Variants in CCDC150 observed in about 807,000 individuals in gnomAD.
CCDC150 encodes coiled-coil domain containing 150.
CCDC150 carries 151 observed loss-of-function variants against 156.5 expected under a neutral mutation model. The ratio of observed to expected loss-of-function variants is 0.97; its 90% CI spans 0.85 to 1.10. The LOEUF (loss-of-function observed/expected upper bound fraction) is 1.10, where lower values mean the gene tolerates loss of function less well. CCDC150 is among the 50% of genes least tolerant of loss of function. The pLI is 0.00. For synonymous variants in CCDC150, 452 were observed against 429.4 expected, an observed-to-expected ratio of 1.05 and a Z score of -0.65; for missense variants, 1,312 against 1,268.1, an observed-to-expected ratio of 1.03 and a Z score of -0.53.
At chr2:196,704,616 A>G (rs1449313101) in intron 15 of CCDC150, among the ~76,000 whole-genome samples, 2 of 152,148 alleles carry the variant, frequency 1.3e-5, no homozygotes, top group African/African-American at 4.8e-5. Context: ...TTTGTTACAT[A>G]GATATACATG....
At chr2:196,659,474 C>A (rs1400662959) in intron 5 of CCDC150, among the ~76,000 whole-genome samples, 1 of 152,104 alleles carries the variant, frequency 6.6e-6, no homozygotes, top group Non-Finnish European at 1.5e-5. Context: ...TCTGTTAATA[C>A]AAAATAGAGA....
Position 196,666,868 on chromosome 2 carries a change from A to G in CCDC150, c.892+20A>G. 3 of 1,613,246 alleles carry G rather than the reference A, an allele frequency of 1.9e-6. No homozygotes were observed. The highest frequency in any genetic ancestry group is 2.5e-6 in the Non-Finnish European group (3 of 1,179,380). ...ATCTAAGTATGAAAATAGATGCTAG[A>G]AATCACCCTCTTGTTAGTTTTTGGA... On this transcript the variant is annotated intron_variant, in intron 7 of 27. Coordinates refer to ENST00000389175, the MANE Select transcript of CCDC150 (RefSeq NM_001080539.2).
chr2:196,656,763 C>T lies in CCDC150; in HGVS notation c.307C>T (p.Arg103Ter), dbSNP rs200403800. Reference protein sequence around the residue: ...LWKNCEFLVNRMCRLESLMQS... With the variant: ...LWKNCEFLVN The stretch of plus-strand genomic sequence containing the variant: ...GAAGAACTGTGAGTTTCTGGTAAAT[C>T]GAATGTGCCGTCTTGAAAGCCTCAT... Residue 103 changes from arginine (R) to a stop codon, truncating the protein, a stop_gained, in exon 3 of 28, where the codon CGA (arginine) becomes TGA (stop). Transcript: ENST00000389175. LOFTEE classifies it high-confidence loss of function. 4.3e-6 allele frequency: 7 copies of T among 1,613,638 alleles called. No homozygotes were observed. The highest frequency in any genetic ancestry group is 1.3e-5 in the African/African-American group (1 of 74,898).
In CCDC150 at chr2:196,721,578, T is replaced by C. The variant is rs1291057280; in HGVS notation, c.2316T>C (p.Ala772=). 6.2e-7 allele frequency: 1 copy of C among 1,608,822 alleles called. No homozygotes were observed. Among genetic ancestry groups the C allele is most frequent in the Non-Finnish European group, 8.5e-7 (1 of 1,177,832 alleles). Residue 772 remains alanine (A), a synonymous_variant, in exon 21 of 28, where the codon GCT becomes GCC. Coordinates refer to ENST00000389175, the MANE Select transcript of CCDC150 (RefSeq NM_001080539.2). ...GVAREDNRKL[A]MSLEQALQTN... The stretch of plus-strand genomic sequence containing the variant: ...CTAGAGAAGACAACAGGAAACTTGC[T>C]ATGAGTCTGGAACAAGCTCTCCAGA...
chr2:196,693,878 C>T (rs371321357), intron 13 of CCDC150, among the ~76,000 whole-genome samples: 23 of 151,844 alleles, frequency 1.5e-4, no homozygotes, highest in East Asian at 5.8e-4. Context: ...TCTTTTACTG[C>T]GAGTATTAAG....
At chr2:196,701,632 A>G (rs537813190) in intron 15 of CCDC150, among the ~76,000 whole-genome samples, 1 of 152,212 alleles carries the variant, frequency 6.6e-6, no homozygotes, top group Non-Finnish European at 1.5e-5. Context: ...GGTAAGCCTG[A>G]CTTAAACTAA....
At chr2:196,697,515 AAT>A (rs1695910304) in intron 14 of CCDC150, among the ~76,000 whole-genome samples, 2 of 152,182 alleles carry the variant, frequency 1.3e-5, no homozygotes, top group African/African-American at 4.8e-5. Flanking sequence ...ACAGGAATAT[AAT>A]TCCCTGTACA....
chr2:196,727,498 C>T (rs957255196), intron 22 of CCDC150: 3 of 152,164 alleles, frequency 2.0e-5, no homozygotes, highest in African/African-American at 7.2e-5. Flanking sequence ...GTTGGCATGG[C>T]TGGTCTGTGT....
chr2:196,717,837 G>A (rs1697626546), intron 17 of CCDC150, among the ~76,000 whole-genome samples: 1 of 151,940 alleles, frequency 6.6e-6, no homozygotes, highest in South Asian at 2.1e-4. Context: ...GTTGCAGTGA[G>A]CCCAGATCAT....
chr2:196,642,611 C>T (rs1195011600), intron 1 of CCDC150, among the ~76,000 whole-genome samples: 1 of 152,220 alleles, frequency 6.6e-6, no homozygotes, highest in East Asian at 1.9e-4. Flanking sequence ...CCATTACCGC[C>T]CCCTCCCTTG....
chr2:196,646,595 T>A, intron 2 of CCDC150, 91 bp downstream of exon 2: 1 of 915,584 alleles, frequency 1.1e-6, no homozygotes, highest in Non-Finnish European at 1.7e-6. Flanking sequence ...GATGGATATT[T>A]GCAAAAGAAC....
rs769251774 is a variant in CCDC150 at position 196,676,707 on chromosome 2, G to A, written c.1416G>A (p.Glu472=). Residue 472 remains glutamate (E), a synonymous_variant, in exon 12 of 28, where the codon GAG becomes GAA. Transcript: ENST00000389175. The part of the protein sequence containing the change: ...ASMQEKKSLL[E]EKERFQREVN... ...TGCAAGAGAAGAAGTCTCTGCTAGA[G>A]GAGAAAGAAAGATTTCAGAGGGAGG... The A allele has an allele frequency of 3.7e-6, 6 of 1,613,206 alleles. No individual in the cohort carries two copies. Among genetic ancestry groups the A allele is most frequent in the Non-Finnish European group, 5.1e-6 (6 of 1,179,558 alleles).
intron 8 of CCDC150, among the ~76,000 whole-genome samples, chr2:196,671,262 A>G (rs1694182443): frequency 6.6e-6 from 1 of 151,992 alleles, no homozygotes; most frequent in Non-Finnish European, 1.5e-5. Context: ...GCAATCATTG[A>G]TCTTTTTACT....
intron 13 of CCDC150, among the ~76,000 whole-genome samples, chr2:196,688,554 G>A (rs1695252064): frequency 6.6e-6 from 1 of 152,144 alleles, no homozygotes; most frequent in Admixed American, 6.5e-5. Context: ...TTTGAGAAGT[G>A]TCTGTTCATG....
chr2:196,729,645 G>A (rs922560575), intron 23 of CCDC150, 148 bp from the exon 24 acceptor site: 1 of 688,714 alleles, frequency 1.5e-6, no homozygotes, highest in South Asian at 2.0e-5. Flanking sequence ...GCTCTTTTGG[G>A]ATCAGTGGGC....
At chr2:196,682,488 A>G (rs959093563) in intron 13 of CCDC150, among the ~76,000 whole-genome samples, 1 of 151,934 alleles carries the variant, frequency 6.6e-6, no homozygotes, top group Non-Finnish European at 1.5e-5. Context: ...CAGACTCTCC[A>G]TTTCTGTAAA....
intron 22 of CCDC150, chr2:196,726,575 T>A (rs1698221389): frequency 1.3e-5 from 2 of 155,412 alleles, no homozygotes; most frequent in Admixed American, 1.3e-4. Flanking sequence ...TAGCAGAGGC[T>A]GTGTACAACT....
chr2:196,685,863 C>T (rs895328558), intron 13 of CCDC150, among the ~76,000 whole-genome samples: 1 of 152,076 alleles, frequency 6.6e-6, no homozygotes, highest in Non-Finnish European at 1.5e-5. Flanking sequence ...ATCCGCCCGC[C>T]TCAGCCACCC....
chr2:196,670,441 GGAA>G (rs1006345996), intron 8 of CCDC150, among the ~76,000 whole-genome samples: 1 of 151,884 alleles, frequency 6.6e-6, no homozygotes, highest in African/African-American at 2.4e-5. Context: ...TTCCTCTGTA[GGAA>G]GAAGATTTAT....
Sources: gnomAD v4.1 joint callset for allele counts (sites outside exome capture counted in the v4.1 genomes callset) on GRCh38, gnomAD v4.1.1 for gene constraint, MANE v1.5 for transcripts, NCBI Gene and HGNC (gene_info 2026-07-23, HGNC 2026-07-21) for gene names.